DOCK8: variants seen among roughly 807,000 people sequenced by gnomAD.
DOCK8 encodes dedicator of cytokinesis 8, also known as dedicator of cytokinesis protein 8.
A neutral mutation model predicts 245.6 loss-of-function variants in DOCK8; 141 were observed. The observed-to-expected ratio is 0.57, with a 90% CI of 0.50 to 0.66. DOCK8 has a LOEUF of 0.66. DOCK8 is among the 30% of genes least tolerant of loss of function. The pLI is 0.00. For missense variants in DOCK8, 2,965 were observed against 2,603.4 expected, an observed-to-expected ratio of 1.14 and a Z score of -3.02; for synonymous variants, 1,168 against 970.2, an observed-to-expected ratio of 1.20 and a Z score of -3.79.
Position 422,080 on chromosome 9 carries a change from T to C in DOCK8, c.4186T>C (p.Leu1396=), listed in dbSNP as rs2056300965. The part of the protein sequence containing the change: ...NDRFPGLNEN[L]RWKKEQTHWR... ...CCGATTTCCAGGCCTAAATGAAAAT[T>C]TGAGATGGAAGAAAGAGCAGACACA... The change falls in exon 33 of 48, where the codon TTG becomes CTG. Residue 1396 remains leucine (L), a synonymous_variant. Transcript: ENST00000432829. 12 of 1,613,964 alleles carry C rather than the reference T, an allele frequency of 7.4e-6. No individual in the cohort carries two copies. Among genetic ancestry groups the C allele is most frequent in the Admixed American group, 1.7e-5 (1 of 59,988 alleles).
intron 14 of DOCK8, among the ~76,000 whole-genome samples, chr9:351,047 T>A (rs2052142918): frequency 6.6e-6 from 1 of 152,212 alleles, no homozygotes; most frequent in Non-Finnish European, 1.5e-5. Flanking sequence ...ACTGGGATTT[T>A]GTTGTAGGAG....
intron 29 of DOCK8, among the ~76,000 whole-genome samples, chr9:416,100 G>T (rs1280874940): frequency 6.6e-6 from 1 of 152,180 alleles, no homozygotes; most frequent in Non-Finnish European, 1.5e-5. Context: ...AGAAGAGAAA[G>T]GTTGAGACAG....
intron 25 of DOCK8, among the ~76,000 whole-genome samples, chr9:397,815 T>C (rs2054536209): frequency 6.6e-6 from 1 of 152,240 alleles, no homozygotes; most frequent in African/African-American, 2.4e-5. Context: ...AATGTTTTTA[T>C]GTTCATAGAA....
chr9:462,608 A>G (rs2057840922), intron 46 of DOCK8, among the ~76,000 whole-genome samples: 1 of 152,250 alleles, frequency 6.6e-6, no homozygotes, highest in Non-Finnish European at 1.5e-5. Flanking sequence ...ACACAGTCCT[A>G]AAATCTTAAT....
At chr9:405,830 G>C (rs963818900) in intron 27 of DOCK8, among the ~76,000 whole-genome samples, 1 of 152,148 alleles carries the variant, frequency 6.6e-6, no homozygotes, top group Non-Finnish European at 1.5e-5. Flanking sequence ...TTAGCTACAT[G>C]ACCATCTTAC....
chr9:376,186 C>G (rs2053507860), intron 18 of DOCK8, 24 bp from the exon 19 acceptor site: 1 of 1,371,592 alleles, frequency 7.3e-7, no homozygotes, highest in East Asian at 2.5e-5. Context: ...GATTGCTAAT[C>G]TTTTTTTTTT....
rs1199533174 is a variant in DOCK8 at position 414,771 on chromosome 9, T to G, written c.3531-11T>G. 6.2e-7 allele frequency: 1 copy of G among 1,614,080 alleles called. No individual in the cohort carries two copies. The highest frequency in any genetic ancestry group is 8.5e-7 in the Non-Finnish European group (1 of 1,180,020). ...CACCATAACCTCTTGATTCCTGTGT[T>G]GTGCCAACAGAATCAGCAAAGTACA... On this transcript the variant is annotated splice_polypyrimidine_tract_variant and intron_variant, in intron 28 of 47. Coordinates refer to ENST00000432829, the MANE Select transcript of DOCK8 (RefSeq NM_203447.4).
intron 22 of DOCK8, among the ~76,000 whole-genome samples, chr9:385,267 C>A (rs1401878323): frequency 1.3e-5 from 2 of 152,192 alleles, no homozygotes; most frequent in Non-Finnish European, 2.9e-5. Flanking sequence ...CTGGTGAAAT[C>A]CGAGTCGTTC....
chr9:393,960 A>G (rs1741234269), intron 24 of DOCK8, among the ~76,000 whole-genome samples: 1 of 152,232 alleles, frequency 6.6e-6, no homozygotes, highest in African/African-American at 2.4e-5. Flanking sequence ...CTAGCTCTAA[A>G]GAATCAAGAG....
chr9:353,887 C>G (rs2052296696), intron 14 of DOCK8, among the ~76,000 whole-genome samples: 1 of 152,148 alleles, frequency 6.6e-6, no homozygotes, highest in East Asian at 1.9e-4. Context: ...ATTATCTGAC[C>G]TATCACAGCC....
chr9:464,907 G>A lies in DOCK8; in HGVS notation c.*688G>A, dbSNP rs2057923227. 1 of 153,312 alleles carries A rather than the reference G, an allele frequency of 6.5e-6. No homozygotes were observed. The highest frequency in any genetic ancestry group is 1.9e-4 in the East Asian group (1 of 5,200). The allele number at this position is 153,312 out of a possible 1,614,324, so 9.5% of individuals were successfully genotyped here. A position where few individuals can be genotyped will look rare whatever the true frequency, so the allele number is the denominator to read the frequency against. ...TGATGTAGGAGATACACGGTACTTGGAGCAGTCAGCCAGAAATCACAGATA... is the reference window on the plus strand; with the variant it reads ...TGATGTAGGAGATACACGGTACTTGAAGCAGTCAGCCAGAAATCACAGATA... On this transcript the variant is annotated 3_prime_UTR_variant, in exon 48 of 48. Coordinates refer to ENST00000432829, the MANE Select transcript of DOCK8 (RefSeq NM_203447.4).
chr9:396,754 A>G (rs2054476823), intron 24 of DOCK8, 31 bp from the exon 25 acceptor site: 2 of 1,613,780 alleles, frequency 1.2e-6, no homozygotes, highest in African/African-American at 1.3e-5. Context: ...ACCAATCTCC[A>G]TGTTGACATT....
intron 14 of DOCK8, among the ~76,000 whole-genome samples, chr9:355,192 CTTTT>C (rs749045514): frequency 2.9e-4 from 35 of 121,076 alleles, no homozygotes; most frequent in Non-Finnish European, 3.0e-4. Flanking sequence ...TGTTTCTTTT[CTTTT>C]TTTTTTTTTT....
At chr9:447,183 C>G (rs938761849) in intron 44 of DOCK8, among the ~76,000 whole-genome samples, 1 of 152,142 alleles carries the variant, frequency 6.6e-6, no homozygotes, top group Non-Finnish European at 1.5e-5. Context: ...AAGTACAGTA[C>G]AAGATTATAC....
At chr9:446,848 G>A (rs903368375) in intron 44 of DOCK8, among the ~76,000 whole-genome samples, 2 of 151,526 alleles carry the variant, frequency 1.3e-5, no homozygotes, top group African/African-American at 4.8e-5. Context: ...TTTAGTATAA[G>A]TGTGTTTATG....
chr9:319,104 C>A (rs2050471528), intron 7 of DOCK8, among the ~76,000 whole-genome samples: 1 of 151,502 alleles, frequency 6.6e-6, no homozygotes, highest in Non-Finnish European at 1.5e-5. Flanking sequence ...TGAGGCCGGC[C>A]TGGGCAATAT....
intron 28 of DOCK8, among the ~76,000 whole-genome samples, chr9:410,769 C>T (rs981992566): frequency 1.3e-5 from 2 of 152,036 alleles, no homozygotes; most frequent in Admixed American, 1.3e-4. Flanking sequence ...CACGGAAATC[C>T]GCAAGATGAA....
chr9:435,069 C>T, intron 39 of DOCK8, 94 bp downstream of exon 39: 2 of 1,478,336 alleles, frequency 1.4e-6, no homozygotes, highest in African/African-American at 1.4e-5. Context: ...TGTCTAGATA[C>T]ATTTTTGGTT....
intron 44 of DOCK8, among the ~76,000 whole-genome samples, 191 bp downstream of exon 44, chr9:446,797 C>T (rs1234968285): frequency 6.6e-6 from 1 of 151,870 alleles, no homozygotes; most frequent in Non-Finnish European, 1.5e-5. Flanking sequence ...TATTTTATAG[C>T]ACTATTGTAT....
Sources: gnomAD v4.1 joint callset for allele counts (sites outside exome capture counted in the v4.1 genomes callset) on GRCh38, gnomAD v4.1.1 for gene constraint, MANE v1.5 for transcripts, NCBI Gene and HGNC (gene_info 2026-07-23, HGNC 2026-07-21) for gene names.